Variants in RBFOX3 observed in about 807,000 individuals in gnomAD.
The protein encoded by RBFOX3 is RNA binding fox-1 homolog 3, also known as RNA binding protein fox-1 homolog 3.
A neutral mutation model predicts 48.7 loss-of-function variants in RBFOX3; 17 were observed. The observed-to-expected ratio is 0.35, with a 90% CI of 0.24 to 0.52. The LOEUF (loss-of-function observed/expected upper bound fraction) is 0.52, where lower values mean the gene tolerates loss of function less well. Ranked by LOEUF, RBFOX3 falls within the 20% of genes least tolerant of loss-of-function variation. The probability of loss-of-function intolerance (pLI) is 0.94; values close to 1 mark genes in which losing one functional copy is unlikely to be tolerated. For synonymous variants in RBFOX3, 212 were observed against 209.5 expected (o/e 1.01, Z -0.10); for missense variants, 382 against 497.5 (o/e 0.77, Z 2.21).
intron 2 of RBFOX3, among the ~76,000 whole-genome samples, chr17:79,442,919 C>G (rs1264879547): frequency 6.6e-6 from 1 of 152,202 alleles, no homozygotes; most frequent in Non-Finnish European, 1.5e-5. Flanking sequence ...AAGCTCCCCA[C>G]AGCCACAATG....
rs541531081 is a variant in RBFOX3 at position 79,220,636 on chromosome 17, C to T, written c.-34+15130G>A. On this transcript the variant is annotated intron_variant, in intron 4 of 14. Transcript: ENST00000693108. The surrounding 1 kb of genome is among the most constrained non-coding windows in gnomAD (Gnocchi z 5.9). ...GTGTGTCGGGGGGACACAAAACCTTCCAGCCTAGCAGATCTCACGGATACC... is the reference window on the plus strand; with the variant it reads ...GTGTGTCGGGGGGACACAAAACCTTTCAGCCTAGCAGATCTCACGGATACC... 1.3e-5 allele frequency among the ~76,000 whole-genome samples: 2 copies of T among 152,052 alleles called. No individual in the cohort carries two copies. Among genetic ancestry groups the T allele is most frequent in the East Asian group, 3.9e-4 (2 of 5,154 alleles).
At chr17:79,652,579 G>A in the RBFOX3 span, among the ~76,000 whole-genome samples, 3 of 1,324 alleles carry the variant, frequency 2.3e-3, no homozygotes, top group Non-Finnish European at 4.9e-3. Flanking sequence ...AAGGAAAGGA[G>A]AGGAGAGGAG....
intron 3 of RBFOX3, among the ~76,000 whole-genome samples, chr17:79,238,017 AC>A (rs1340009556): frequency 2.0e-5 from 3 of 152,028 alleles, no homozygotes; most frequent in African/African-American, 7.3e-5. Context: ...GCTCCCTGCA[AC>A]CTCTGCCTCT....
intron 2 of RBFOX3, among the ~76,000 whole-genome samples, chr17:79,453,872 G>A (rs2074001894): frequency 1.3e-5 from 2 of 152,166 alleles, no homozygotes; most frequent in African/African-American, 2.4e-5. Context: ...GCTGGCAGAG[G>A]AGAGGAAAGG....
intron 2 of RBFOX3, among the ~76,000 whole-genome samples, chr17:79,404,973 A>T (rs1394743446): frequency 6.6e-6 from 1 of 152,186 alleles, no homozygotes; most frequent in Non-Finnish European, 1.5e-5. Context: ...GACTCCAGGA[A>T]ATCAAAGGCC....
At chr17:79,172,067 G>A (rs964249673) in intron 4 of RBFOX3, among the ~76,000 whole-genome samples, 6 of 151,502 alleles carry the variant, frequency 4.0e-5, no homozygotes, top group Non-Finnish European at 7.4e-5. Context: ...CCAGCTACTC[G>A]GGAGGCTGAG....
intron 1 of RBFOX3, among the ~76,000 whole-genome samples, chr17:79,487,930 A>AAAAAAAAAAAAAAAAAAAAC: frequency 6.6e-6 from 1 of 150,578 alleles, no homozygotes; most frequent in African/African-American, 2.5e-5. Context: ...AAAAAAAAAA[A>AAAAAAAAAAAAAAAAAAAAC]TTCCTGGGTG....
the RBFOX3 span, among the ~76,000 whole-genome samples, chr17:79,627,199 C>A: frequency 6.6e-6 from 1 of 152,162 alleles, no homozygotes; most frequent in Non-Finnish European, 1.5e-5. Flanking sequence ...CTGTTTCCAG[C>A]AGTAGTAATC....
At chr17:79,269,836 G>A (rs546213337) in intron 3 of RBFOX3, among the ~76,000 whole-genome samples, 8 of 150,868 alleles carry the variant, frequency 5.3e-5, no homozygotes, top group African/African-American at 1.7e-4. Flanking sequence ...TTCCAGCAAG[G>A]TGAGCCCCAC....
At chr17:79,587,067 A>G (rs1186587061) in intron 1 of RBFOX3, among the ~76,000 whole-genome samples, 1 of 152,236 alleles carries the variant, frequency 6.6e-6, no homozygotes, top group African/African-American at 2.4e-5. Flanking sequence ...AATTGACTCA[A>G]TAACTGGCCG....
rs1307492198 is a variant in RBFOX3 at position 79,214,851 on chromosome 17, A to T, written c.-34+20915T>A. Among the ~76,000 whole-genome samples, 7 of 152,336 alleles carry T rather than the reference A, an allele frequency of 4.6e-5. No homozygotes were observed. In the East Asian group the frequency reaches 5.8e-4, roughly 13 times the overall value. On this transcript the variant is annotated intron_variant, in intron 4 of 14. Transcript: ENST00000693108. The surrounding 1 kb of genome is among the most constrained non-coding windows in gnomAD (Gnocchi z 4.7). ...TACTCCAGGGCAAACTTTAAAAAAC[A>T]TAATATTTATAGAAAGCCTCATTCA...
chr17:79,179,022 C>T (rs572608090), intron 4 of RBFOX3, among the ~76,000 whole-genome samples: 7 of 152,154 alleles, frequency 4.6e-5, no homozygotes, highest in Non-Finnish European at 8.8e-5. Flanking sequence ...CGCGAGCCAG[C>T]GTGTCTCAGA....
chr17:79,321,545 G>A (rs1020893976), intron 2 of RBFOX3, among the ~76,000 whole-genome samples: 36 of 152,230 alleles, frequency 2.4e-4, no homozygotes, highest in Admixed American at 1.1e-3. Context: ...CGGTGGTGAT[G>A]TGGGAGCTCT....
At chr17:79,104,669 T>A (rs2077043825) in intron 6 of RBFOX3, among the ~76,000 whole-genome samples, 1 of 151,880 alleles carries the variant, frequency 6.6e-6, no homozygotes, top group African/African-American at 2.4e-5. Context: ...GACATGAGTG[T>A]CCATTAGGGA....
intron 4 of RBFOX3, among the ~76,000 whole-genome samples, chr17:79,138,451 C>T: frequency 6.6e-6 from 1 of 152,192 alleles, no homozygotes; most frequent in East Asian, 1.9e-4. Flanking sequence ...CACTCACTCC[C>T]AAGCTCATGC....
the RBFOX3 span, among the ~76,000 whole-genome samples, chr17:79,646,491 A>G: frequency 1.3e-5 from 2 of 152,302 alleles, no homozygotes; most frequent in East Asian, 3.9e-4. Context: ...AAGCAAACGC[A>G]TGTCTTATGT....
At chr17:79,643,374 C>T in the RBFOX3 span, among the ~76,000 whole-genome samples, 2 of 152,122 alleles carry the variant, frequency 1.3e-5, no homozygotes, top group Non-Finnish European at 2.9e-5. Flanking sequence ...TTCTAACACC[C>T]CTCTCTTGAC....
At chr17:79,095,847 T>C (rs2075125262) in intron 12 of RBFOX3, among the ~76,000 whole-genome samples, 1 of 152,196 alleles carries the variant, frequency 6.6e-6, no homozygotes, top group Admixed American at 6.5e-5. Context: ...CATTCACTCA[T>C]TCATTCACAC....
chr17:79,370,997 C>A (rs2889623), intron 2 of RBFOX3, among the ~76,000 whole-genome samples: 2 of 138,612 alleles, frequency 1.4e-5, no homozygotes, highest in East Asian at 4.4e-4. Flanking sequence ...TCTCCTCCCC[C>A]GGTAGGGGGT....
Sources: gnomAD v4.1 joint callset for allele counts (sites outside exome capture counted in the v4.1 genomes callset) on GRCh38, gnomAD v4.1.1 for gene constraint, Gnocchi (gnomAD v3.1) non-coding constraint, MANE v1.5 for transcripts, NCBI Gene and HGNC (gene_info 2026-07-23, HGNC 2026-07-21) for gene names.